ANKRD36C: variants seen among roughly 807,000 people sequenced by gnomAD.
ANKRD36C encodes the protein ankyrin repeat domain 36C.
ANKRD36C carries 61 observed loss-of-function variants against 276.4 expected under a neutral mutation model. That is an observed-to-expected ratio of 0.22 (90% CI 0.18 to 0.27). ANKRD36C has a LOEUF of 0.27. ANKRD36C is among the 10% of genes least tolerant of loss of function. The pLI is 1.00. For synonymous variants in ANKRD36C, 483 were observed against 680.1 expected (o/e 0.71, Z 4.51); for missense variants, 1,447 against 2,032.3 (o/e 0.71, Z 5.54).
At position 95,896,589 on chromosome 2, in the gene ANKRD36C, T is replaced by C. The variant is rs987392905; in HGVS notation, c.2755+2556A>G. Among the ~76,000 whole-genome samples, 3 of 147,710 alleles carry C rather than the reference T, an allele frequency of 2.0e-5. 1 individual carries two copies. Among genetic ancestry groups the C allele is most frequent in the Non-Finnish European group, 1.5e-5 (1 of 66,418 alleles). The stretch of plus-strand genomic sequence containing the variant: ...AACTAAAATCAACAAAACATGTATC[T>C]CTGATGCCTCCTAGTAACCAAGAGG... On this transcript the variant is annotated intron_variant, in intron 44 of 66. Coordinates refer to ENST00000456556, the Ensembl canonical transcript of ANKRD36C.
At chr2:95,851,448 AC>A (rs1675289924) in intron 66 of ANKRD36C, among the ~76,000 whole-genome samples, 1 of 152,238 alleles carries the variant, frequency 6.6e-6, no homozygotes, top group South Asian at 2.1e-4. Context: ...GCAAAAAATT[AC>A]TGTAAAACAT....
chr2:95,957,790 A>G (rs1678365786), intron 12 of ANKRD36C, among the ~76,000 whole-genome samples: 3 of 152,226 alleles, frequency 2.0e-5, no homozygotes, highest in Non-Finnish European at 4.4e-5. Flanking sequence ...GTCATTCTCT[A>G]AAGTATTTTC....
At chr2:95,855,521 C>T in exon 63 of ANKRD36C, 1 of 1,611,584 alleles carries the variant, frequency 6.2e-7, no homozygotes, top group Non-Finnish European at 8.5e-7. Context: ...AAAATCTTTC[C>T]TGCTTTTCTA....
chr2:95,902,265 T>C (rs1459125392), intron 42 of ANKRD36C, among the ~76,000 whole-genome samples: 2 of 149,074 alleles, frequency 1.3e-5, no homozygotes, highest in Non-Finnish European at 3.0e-5. Flanking sequence ...ATTCCAATTA[T>C]ACCATTGTTT....
At position 95,893,607 on chromosome 2, in the gene ANKRD36C, T is replaced by G; in HGVS notation, c.2756-1747A>C. 7 of 1,585,098 alleles carry G rather than the reference T, an allele frequency of 4.4e-6. No homozygotes were observed. The highest frequency in any genetic ancestry group is 6.0e-6 in the Non-Finnish European group (7 of 1,164,938). On this transcript the variant is annotated intron_variant, in intron 44 of 66. Coordinates refer to ENST00000456556, the Ensembl canonical transcript of ANKRD36C. ...AGAATCTTCCTCGTCACCTGTAGCC[T>G]GAATGGAATTTGAAATGAAATAATA... is the stretch of plus-strand genomic sequence containing the variant.
At chr2:95,941,379 A>C (rs1413130095) in intron 19 of ANKRD36C, among the ~76,000 whole-genome samples, 180 bp from the exon 20 acceptor site, 2 of 152,266 alleles carry the variant, frequency 1.3e-5, no homozygotes, top group Non-Finnish European at 2.9e-5. Flanking sequence ...ACATAAAAAC[A>C]AACAAAAGCA....
chr2:95,910,610 T>C (rs540521284), intron 42 of ANKRD36C, 42 bp from the exon 45 acceptor site: 509 of 1,602,594 alleles, frequency 3.2e-4, no homozygotes, highest in South Asian at 1.2e-3. Flanking sequence ...TATGTAAATA[T>C]GACAAAGATA....
chr2:95,861,373 A>G (rs1558619186), intron 60 of ANKRD36C, among the ~76,000 whole-genome samples: 1 of 152,078 alleles, frequency 6.6e-6, no homozygotes, highest in Non-Finnish European at 1.5e-5. Context: ...CAAATAAAAA[A>G]GAAGAGACAG....
At position 95,867,807 on chromosome 2, in the gene ANKRD36C, G is replaced by A. The variant is rs1033267794; in HGVS notation, c.3541-226C>T. On this transcript the variant is annotated intron_variant, in intron 59 of 66. Transcript: ENST00000456556. The stretch of plus-strand genomic sequence containing the variant: ...TCCTATGCTATTTAGAAAACTGACA[G>A]AGAGACTTGGGTTAATTAAGGAACA... 1.9e-4 allele frequency among the ~76,000 whole-genome samples: 29 copies of A among 149,324 alleles called. No homozygotes were observed. The East Asian group carries it at 3.2e-3, about 16-fold the overall frequency.
At chr2:95,908,008 A>G (rs1676792822) in intron 42 of ANKRD36C, among the ~76,000 whole-genome samples, 1 of 150,598 alleles carries the variant, frequency 6.6e-6, no homozygotes, top group Non-Finnish European at 1.5e-5. Flanking sequence ...AAATTATATA[A>G]ATGACTTCCT....
At chr2:95,964,311 C>T (rs1678543029) in intron 6 of ANKRD36C, among the ~76,000 whole-genome samples, 1 of 151,830 alleles carries the variant, frequency 6.6e-6, no homozygotes, top group Non-Finnish European at 1.5e-5. Context: ...CACCCTCATC[C>T]TTCTAACTTC....
At chr2:95,926,944 T>C (rs1284144200) in intron 28 of ANKRD36C, among the ~76,000 whole-genome samples, 1 of 151,614 alleles carries the variant, frequency 6.6e-6, no homozygotes, top group Admixed American at 6.6e-5. Context: ...GTAGAATTAA[T>C]GCAAAATTAT....
At chr2:95,958,920 A>T (rs1678392772) in intron 10 of ANKRD36C, 135 bp from the exon 11 acceptor site, 1 of 851,694 alleles carries the variant, frequency 1.2e-6, no homozygotes, top group Admixed American at 2.8e-5. Context: ...TACTTTGTGT[A>T]TTGGGACAGG....
At chr2:95,981,513 CAT>C (rs1211177662) in intron 4 of ANKRD36C, among the ~76,000 whole-genome samples, 1 of 144,294 alleles carries the variant, frequency 6.9e-6, no homozygotes, top group African/African-American at 2.5e-5. Flanking sequence ...TTCTTACATA[CAT>C]ATGTGTGTAT....
chr2:95,948,871 C>T (rs1316907521), intron 16 of ANKRD36C, among the ~76,000 whole-genome samples: 1 of 152,236 alleles, frequency 6.6e-6, no homozygotes, highest in South Asian at 2.1e-4. Flanking sequence ...CAATTAGTGA[C>T]AGGCATTATA....
At chr2:95,964,438 A>T (rs1176172909) in intron 6 of ANKRD36C, among the ~76,000 whole-genome samples, 4 of 152,038 alleles carry the variant, frequency 2.6e-5, no homozygotes, top group Non-Finnish European at 4.4e-5. Flanking sequence ...TCATAAATCG[A>T]ATAACCATAT....
At chr2:95,982,324 T>C in exon 4 of ANKRD36C, 1 of 1,550,444 alleles carries the variant, frequency 6.4e-7, no homozygotes, top group South Asian at 1.2e-5. Context: ...TTTTCACTTT[T>C]CTTTGACTCA....
At chr2:95,986,947 C>T in intron 2 of ANKRD36C, 23 bp from the exon 3 acceptor site, 1 of 1,613,292 alleles carries the variant, frequency 6.2e-7, no homozygotes, top group African/African-American at 1.3e-5. Flanking sequence ...GACCGAGAAA[C>T]ATGCAAATAT....
At chr2:95,883,603 ATCT>A (rs1265907700) in intron 54 of ANKRD36C, among the ~76,000 whole-genome samples, 1 of 152,072 alleles carries the variant, frequency 6.6e-6, no homozygotes, top group Admixed American at 6.6e-5. Context: ...CCAAAATCAA[ATCT>A]TCTTTTAGGA....
Sources: allele counts gnomAD v4.1 joint callset (sites outside exome capture counted in the v4.1 genomes callset), GRCh38; gene constraint gnomAD v4.1.1; transcripts MANE v1.5; gene names NCBI Gene and HGNC (gene_info 2026-07-23, HGNC 2026-07-21).